The following FMN2 variants were observed in gnomAD, a reference collection of about 807,000 sequenced individuals.
FMN2 encodes the protein formin 2, also known as formin-2.
A neutral mutation model predicts 142.3 loss-of-function variants in FMN2; 51 were observed. The observed-to-expected ratio is 0.36, with a 90% CI of 0.29 to 0.45. The LOEUF (loss-of-function observed/expected upper bound fraction) is 0.45, where lower values mean the gene tolerates loss of function less well. Among genes scored for constraint, FMN2 ranks in the 20% least tolerant of loss-of-function variants. FMN2 has a pLI of 1.00. For missense variants in FMN2, 1,936 were observed against 2,122.8 expected (o/e 0.91, Z 1.73); for synonymous variants, 882 against 869.8 (o/e 1.01, Z -0.25).
chr1:240,310,919 A>G (rs1181081152), intron 8 of FMN2, among the ~76,000 whole-genome samples: 1 of 152,142 alleles, frequency 6.6e-6, no homozygotes, highest in Non-Finnish European at 1.5e-5. Context: ...TTTCTTTCAT[A>G]TTTAAGAAAC....
chr1:240,143,277 A>G, intron 2 of FMN2: 1 of 1,551,278 alleles, frequency 6.4e-7, no homozygotes. Flanking sequence ...GGTATCCAGG[A>G]TGTTGATTTG....
intron 14 of FMN2, among the ~76,000 whole-genome samples, chr1:240,373,045 G>A (rs528107609): frequency 3.9e-5 from 6 of 152,178 alleles, no homozygotes; most frequent in South Asian, 2.1e-4. Context: ...AGTAGCGCGC[G>A]TGGTGGTGCA....
intron 7 of FMN2, among the ~76,000 whole-genome samples, chr1:240,284,647 C>T (rs1028183060): frequency 1.3e-5 from 2 of 152,134 alleles, no homozygotes; most frequent in Non-Finnish European, 2.9e-5. Flanking sequence ...AATATTTCTA[C>T]TATTAGATGA....
chr1:240,265,913 G>GTT lies in FMN2; in HGVS notation c.4153+7883_4153+7884dup, dbSNP rs1352056925. On this transcript the variant is annotated intron_variant, in intron 7 of 17. Coordinates refer to ENST00000319653, the MANE Select transcript of FMN2 (RefSeq NM_020066.5). ...CCAGTAAGAGAGATAACTTAAAGGG[G>GTT]TTTGTTTTTTTTTTTTTTTCCTTTT... Among the ~76,000 whole-genome samples, 380 of 102,238 alleles carry GTT rather than the reference G, an allele frequency of 3.7e-3. 1 individual carries two copies. The highest frequency in any genetic ancestry group is 0.016 in the South Asian group (52 of 3,210). The allele number at this position is 102,238 out of a possible 152,430, so 67.1% of individuals were successfully genotyped here.
rs189839564 is a variant in FMN2 at position 240,110,543 on chromosome 1, C to T, written c.1616-12636C>T. On this transcript the variant is annotated intron_variant, in intron 1 of 17. Coordinates refer to ENST00000319653, the MANE Select transcript of FMN2 (RefSeq NM_020066.5). Reference sequence around the variant, plus strand: ...CTGATGGTGAATAAAAACTTACCCCCTAACTGCGGTGTCCATGTTTATCTA... The same window carrying T: ...CTGATGGTGAATAAAAACTTACCCCTTAACTGCGGTGTCCATGTTTATCTA... Among the ~76,000 whole-genome samples the T allele has an allele frequency of 9.8e-5, 15 of 152,304 alleles. No homozygotes were observed. The East Asian group carries it at 2.9e-3, about 29-fold the overall frequency.
intron 6 of FMN2, among the ~76,000 whole-genome samples, chr1:240,228,416 T>C (rs1397251246): frequency 1.4e-5 from 2 of 142,618 alleles, no homozygotes; most frequent in Non-Finnish European, 3.0e-5. Context: ...CACTCTCAAA[T>C]AAGCACATAA....
rs1186299640 is a variant in FMN2 at position 240,282,026 on chromosome 1, T to G, written c.4154-12796T>G. Among the ~76,000 whole-genome samples, 6 of 152,200 alleles carry G rather than the reference T, an allele frequency of 3.9e-5. No homozygotes were observed. In the East Asian group the frequency reaches 1.2e-3, roughly 29 times the overall value. On this transcript the variant is annotated intron_variant, in intron 7 of 17. Coordinates refer to ENST00000319653, the MANE Select transcript of FMN2 (RefSeq NM_020066.5). ...ATTTTGCTTTATGAGAGCAAATATA[T>G]CTACAAAGGTATATGTGCTATTTAG...
chr1:240,377,173 C>G (rs568739239), intron 14 of FMN2, among the ~76,000 whole-genome samples: 2 of 152,244 alleles, frequency 1.3e-5, no homozygotes, highest in Admixed American at 1.3e-4. Context: ...CATTTTTATT[C>G]TACCTGAATA....
chr1:240,156,479 AG>A (rs1167732252), intron 2 of FMN2, among the ~76,000 whole-genome samples: 2 of 152,200 alleles, frequency 1.3e-5, no homozygotes, highest in South Asian at 2.1e-4. Context: ...ACATTTCCAA[AG>A]GAAGTGCTAC....
rs183151852 is a variant in FMN2 at position 240,290,552 on chromosome 1, A to G, written c.4154-4270A>G. On this transcript the variant is annotated intron_variant, in intron 7 of 17. Coordinates refer to ENST00000319653, the MANE Select transcript of FMN2 (RefSeq NM_020066.5). ...AGCCTTTCTGAATTATTTTTCTACT[A>G]TATAATTACTTATTTTCCCCACATG... is the stretch of plus-strand genomic sequence containing the variant. Among the ~76,000 whole-genome samples, 716 of 152,236 alleles carry G rather than the reference A, an allele frequency of 4.7e-3. 9 individuals are homozygous for G. The highest frequency in any genetic ancestry group is 0.025 in the South Asian group (121 of 4,822).
intron 14 of FMN2, among the ~76,000 whole-genome samples, chr1:240,379,253 G>T (rs1005176564): frequency 1.3e-5 from 2 of 152,022 alleles, no homozygotes; most frequent in Non-Finnish European, 2.9e-5. Flanking sequence ...CTTGTGATCA[G>T]TGACAGCTCT....
At position 240,143,108 on chromosome 1, in the gene FMN2, C is replaced by T. The variant is rs530856681; in HGVS notation, c.1782+19763C>T. On this transcript the variant is annotated intron_variant, in intron 2 of 17. Coordinates refer to ENST00000319653, the MANE Select transcript of FMN2 (RefSeq NM_020066.5). ...AATGTGTCAGGCCCTGTGCCAAGTG[C>T]ACCATGAAGAGGTCGTTGGGGTCCT... The T allele has an allele frequency of 2.9e-5, 45 of 1,542,008 alleles. No homozygotes were observed. The African/African-American group carries it at 5.3e-4, about 18-fold the overall frequency.
intron 8 of FMN2, among the ~76,000 whole-genome samples, chr1:240,308,936 T>A (rs1558425000): frequency 6.6e-6 from 1 of 152,182 alleles, no homozygotes; most frequent in African/African-American, 2.4e-5. Context: ...ATGAGAATTC[T>A]GTGGTTATGT....
chr1:240,111,252 A>G (rs185126764), intron 1 of FMN2, among the ~76,000 whole-genome samples: 1 of 152,280 alleles, frequency 6.6e-6, no homozygotes, highest in African/African-American at 2.4e-5. Context: ...TGGAGGCATC[A>G]GTGTTATCGG....
At chr1:240,396,697 T>G (rs948355788) in intron 15 of FMN2, among the ~76,000 whole-genome samples, 2 of 152,184 alleles carry the variant, frequency 1.3e-5, no homozygotes, top group Non-Finnish European at 2.9e-5. Flanking sequence ...TAAGTGAGAA[T>G]AGGCAGTATT....
chr1:240,344,347 A>G lies in FMN2; in HGVS notation c.4765+10118A>G, dbSNP rs1236526087. ...TCATTCCATGATTTCCTTCAAGTCA[A>G]TAGTATGTAGGTTACTGTGATGTTT... On this transcript the variant is annotated intron_variant, in intron 13 of 17. Coordinates refer to ENST00000319653, the MANE Select transcript of FMN2 (RefSeq NM_020066.5). Among the ~76,000 whole-genome samples the G allele has an allele frequency of 3.9e-5, 6 of 152,210 alleles. No homozygotes were observed. The South Asian group carries it at 6.2e-4, about 16-fold the overall frequency.
chr1:240,450,491 A>G (rs1274720602), intron 16 of FMN2, among the ~76,000 whole-genome samples: 3 of 152,178 alleles, frequency 2.0e-5, no homozygotes, highest in African/African-American at 4.8e-5. Context: ...CTGTCATTTT[A>G]TCTTGTTGGT....
intron 7 of FMN2, among the ~76,000 whole-genome samples, chr1:240,258,615 G>T (rs1165715304): frequency 1.3e-5 from 2 of 152,172 alleles, no homozygotes; most frequent in South Asian, 2.1e-4. Flanking sequence ...CATATGAACA[G>T]AAATATTTTC....
At chr1:240,155,704 G>T (rs1224495458) in intron 2 of FMN2, among the ~76,000 whole-genome samples, 1 of 151,984 alleles carries the variant, frequency 6.6e-6, no homozygotes, top group East Asian at 1.9e-4. Flanking sequence ...GAAGGTGTGA[G>T]GTTGTCAAAG....
Sources: allele counts gnomAD v4.1 joint callset (sites outside exome capture counted in the v4.1 genomes callset), GRCh38; gene constraint gnomAD v4.1.1; transcripts MANE v1.5; gene names NCBI Gene and HGNC (gene_info 2026-07-23, HGNC 2026-07-21).